The following CFAP221 variants were observed in gnomAD, a reference collection of about 807,000 sequenced individuals.
CFAP221 encodes the protein cilia and flagella associated protein 221.
Under a neutral mutation model 113.1 loss-of-function variants are expected in CFAP221, and 97 were observed. The ratio of observed to expected loss-of-function variants is 0.86; its 90% CI spans 0.73 to 1.02. The LOEUF (loss-of-function observed/expected upper bound fraction) is 1.02, where lower values mean the gene tolerates loss of function less well. Among genes scored for constraint, CFAP221 ranks in the 50% least tolerant of loss-of-function variants. The probability of loss-of-function intolerance (pLI) is 0.00; values close to 1 mark genes in which losing one functional copy is unlikely to be tolerated. For synonymous variants in CFAP221, 331 were observed against 354.4 expected (o/e 0.93, Z 0.74); for missense variants, 1,025 against 1,013.4 (o/e 1.01, Z -0.16).
intron 19 of CFAP221, chr2:119,631,169 A>G (rs1410460783): frequency 1.1e-6 from 1 of 874,198 alleles, no homozygotes; most frequent in African/African-American, 1.8e-5. Context: ...CAAAGAAGAA[A>G]TTGAAAAAGA....
chr2:119,608,524 C>A lies in CFAP221; in HGVS notation c.1156C>A (p.Pro386Thr), dbSNP rs765699546. The change falls in exon 12 of 24, where the codon CCT becomes ACT. Residue 386 changes from proline (P) to threonine (T), a missense_variant. Pro to Thr is a conservative substitution (Grantham distance 38). Coordinates refer to ENST00000413369, the MANE Select transcript of CFAP221 (RefSeq NM_001271049.2). The stretch of plus-strand genomic sequence containing the variant: ...CAGGCAGGTGCACCTTGGTAAAGAT[C>A]CTATGTCTTTTAAACTTAAAAAAGA... Reference protein sequence around the residue: ...LKWQVHLGKDPMSFKLKKELT... With the variant: ...LKWQVHLGKDTMSFKLKKELT... The A allele has an allele frequency of 1.2e-6, 2 of 1,607,256 alleles. No individual in the cohort carries two copies. The highest frequency in any genetic ancestry group is 1.7e-5 in the Admixed American group (1 of 59,502).
chr2:119,629,543 C>T (rs1686616817), intron 16 of CFAP221, among the ~76,000 whole-genome samples: 1 of 152,200 alleles, frequency 6.6e-6, no homozygotes, highest in South Asian at 2.1e-4. Flanking sequence ...GGCTCCCCTG[C>T]CCCCAAGAGG....
At chr2:119,591,509 G>T (rs1017600378) in intron 7 of CFAP221, among the ~76,000 whole-genome samples, 2 of 152,220 alleles carry the variant, frequency 1.3e-5, no homozygotes, top group African/African-American at 4.8e-5. Context: ...ATTGTTAGCC[G>T]CATGCCAGGT....
chr2:119,545,458 G>A (rs961693195), intron 1 of CFAP221, among the ~76,000 whole-genome samples: 3 of 152,216 alleles, frequency 2.0e-5, no homozygotes, highest in African/African-American at 7.2e-5. Flanking sequence ...GTTAAGGGAA[G>A]GCAAATCGGA....
At chr2:119,587,514 A>G (rs1370324668) in intron 7 of CFAP221, among the ~76,000 whole-genome samples, 2 of 152,166 alleles carry the variant, frequency 1.3e-5, no homozygotes, top group African/African-American at 2.4e-5. Context: ...TTATAATTCA[A>G]TTTCAGATAA....
chr2:119,560,262 G>A (rs547736617), intron 5 of CFAP221, among the ~76,000 whole-genome samples: 1 of 152,284 alleles, frequency 6.6e-6, no homozygotes, highest in Non-Finnish European at 1.5e-5. Context: ...AGGAGACGCG[G>A]TTTGCTGCAG....
intron 14 of CFAP221, among the ~76,000 whole-genome samples, chr2:119,618,694 T>G (rs1179336497): frequency 6.6e-6 from 1 of 152,106 alleles, no homozygotes; most frequent in African/African-American, 2.4e-5. Flanking sequence ...CTGCAGAAGT[T>G]TTTTTCATAC....
In CFAP221 at chr2:119,605,300, A is replaced by C; in HGVS notation, c.1133+11A>C. 1 of 1,590,838 alleles carries C rather than the reference A, an allele frequency of 6.3e-7. No individual in the cohort carries two copies. Among genetic ancestry groups the C allele is most frequent in the Non-Finnish European group, 8.6e-7 (1 of 1,159,102 alleles). ...AAATCATCTTAAGTGGTAAATATTGAGCAATTGTTTGTATCAAGTGTCAGT... is the reference window on the plus strand; with the variant it reads ...AAATCATCTTAAGTGGTAAATATTGCGCAATTGTTTGTATCAAGTGTCAGT... On this transcript the variant is annotated intron_variant, in intron 11 of 23. Coordinates refer to ENST00000413369, the MANE Select transcript of CFAP221 (RefSeq NM_001271049.2).
chr2:119,598,526 CT>C (rs1246252162), intron 7 of CFAP221, among the ~76,000 whole-genome samples: 1 of 152,182 alleles, frequency 6.6e-6, no homozygotes, highest in Non-Finnish European at 1.5e-5. Flanking sequence ...CACATTACCC[CT>C]GGTTATGTTA....
intron 8 of CFAP221, among the ~76,000 whole-genome samples, chr2:119,604,432 CA>C (rs1377204390): frequency 1.1e-4 from 16 of 147,820 alleles, no homozygotes; most frequent in Admixed American, 8.1e-4. Flanking sequence ...GACTCCATCT[CA>C]AAAAAAAAGA....
rs1329793807 is a variant in CFAP221, at chr2:119,639,946, T to A, written c.2225+74T>A. ...TACAGAGGCAATGATCCCCAAAAGT[T>A]AAATGCCAATAATATGTCAAACCAT... On this transcript the variant is annotated intron_variant, in intron 21 of 23. Coordinates refer to ENST00000413369, the MANE Select transcript of CFAP221 (RefSeq NM_001271049.2). 3 of 1,245,942 alleles carry A rather than the reference T, an allele frequency of 2.4e-6. No homozygotes were observed. The African/African-American group carries it at 4.5e-5, about 19-fold the overall frequency. 77.2% of individuals were successfully genotyped at this position (1,245,942 alleles called of 1,614,324 possible). A position where few individuals can be genotyped will look rare whatever the true frequency, so the allele number is the denominator to read the frequency against.
At chr2:119,553,753 A>T (rs1031876306) in intron 3 of CFAP221, among the ~76,000 whole-genome samples, 1 of 152,184 alleles carries the variant, frequency 6.6e-6, no homozygotes, top group Non-Finnish European at 1.5e-5. Context: ...ATTGAAAAAG[A>T]TATGAAGCCT....
intron 3 of CFAP221, chr2:119,557,189 G>T (rs2104527252): frequency 6.6e-6 from 1 of 152,324 alleles, no homozygotes. Context: ...CTAATTGTCA[G>T]GCAGATATTG....
intron 20 of CFAP221, 88 bp downstream of exon 20, chr2:119,638,505 G>A (rs1311170748): frequency 1.3e-5 from 20 of 1,517,644 alleles, no homozygotes; most frequent in Admixed American, 1.7e-5. Flanking sequence ...CTGGAATTGC[G>A]ACAAAGGTTT....
chr2:119,634,050 G>C (rs1277462536), intron 19 of CFAP221, among the ~76,000 whole-genome samples: 1 of 152,164 alleles, frequency 6.6e-6, no homozygotes. Context: ...CAAGGCTGCA[G>C]TAAGCTGTGA....
chr2:119,598,742 A>C (rs995988867), intron 7 of CFAP221, among the ~76,000 whole-genome samples: 4 of 152,152 alleles, frequency 2.6e-5, no homozygotes, highest in Admixed American at 6.5e-5. Flanking sequence ...CCCTGTGTTA[A>C]CTGGCATCCC....
intron 6 of CFAP221, among the ~76,000 whole-genome samples, chr2:119,574,377 G>C (rs1467776091): frequency 1.3e-5 from 2 of 152,192 alleles, no homozygotes; most frequent in Non-Finnish European, 2.9e-5. Context: ...TACCAAGCTA[G>C]TATCAGTACT....
intron 19 of CFAP221, among the ~76,000 whole-genome samples, chr2:119,635,819 G>A (rs961893116): frequency 3.9e-5 from 6 of 152,166 alleles, no homozygotes; most frequent in African/African-American, 1.4e-4. Context: ...TCTGGAGGAG[G>A]GAGGGTAAAG....
intron 4 of CFAP221, 73 bp downstream of exon 4, chr2:119,559,848 T>G (rs1344347228): frequency 3.4e-6 from 5 of 1,469,718 alleles, no homozygotes; most frequent in Middle Eastern, 1.7e-4. Context: ...GGGTGGGGGG[T>G]GTGTGGTGTG....
Sources: allele counts gnomAD v4.1 joint callset (sites outside exome capture counted in the v4.1 genomes callset), GRCh38; gene constraint gnomAD v4.1.1; transcripts MANE v1.5; gene names NCBI Gene and HGNC (gene_info 2026-07-23, HGNC 2026-07-21).